ZFAND5: variants seen among roughly 807,000 people sequenced by gnomAD.
ZFAND5 encodes the protein zinc finger AN1-type containing 5.
A neutral mutation model predicts 23.6 loss-of-function variants in ZFAND5; 4 were observed. The observed-to-expected ratio is 0.17, with a 90% CI of 0.08 to 0.39. The LOEUF is 0.39. Ranked by LOEUF, ZFAND5 falls within the 10% of genes least tolerant of loss-of-function variation. The pLI, the probability that ZFAND5 is intolerant of heterozygous loss-of-function variation, is 1.00. For synonymous variants in ZFAND5, 68 were observed against 80.6 expected, an observed-to-expected ratio of 0.84 and a Z score of 0.84; for missense variants, 161 against 253.7, an observed-to-expected ratio of 0.63 and a Z score of 2.48.
At chr9:72,357,120 G>A in intron 5 of ZFAND5, 64 bp from the exon 6 acceptor site, 1 of 1,576,454 alleles carries the variant, frequency 6.3e-7, no homozygotes, top group Admixed American at 1.8e-5. Flanking sequence ...AGTCAAAAAA[G>A]GAAGTATTTA....
chr9:72,362,729 T>C (rs953834019), intron 2 of ZFAND5, among the ~76,000 whole-genome samples: 2 of 152,202 alleles, frequency 1.3e-5, no homozygotes, highest in Non-Finnish European at 2.9e-5. Context: ...TTTAGATTTT[T>C]TTCCCCTAGA....
chr9:72,360,674 T>C lies in ZFAND5; in HGVS notation c.105A>G (p.Lys35=). The change falls in exon 3 of 7, where the codon AAA becomes AAG. Residue 35 remains lysine (K), a synonymous_variant. Transcript: ENST00000376962. ...TATTTTGCTGCCTCTGAAGATGTTC[T>C]TTGTAGCAAACTGAACACATTCCAT... ...RTNGMCSVCY[K]EHLQRQQNSG... 6.2e-7 allele frequency: 1 copy of C among 1,614,104 alleles called. No homozygotes were observed. The highest frequency in any genetic ancestry group is 8.5e-7 in the Non-Finnish European group (1 of 1,179,948).
intron 5 of ZFAND5, among the ~76,000 whole-genome samples, chr9:72,358,180 G>T (rs1841998303): frequency 6.6e-6 from 1 of 152,062 alleles, no homozygotes; most frequent in Admixed American, 6.6e-5. Context: ...CATTAGCAAT[G>T]AATCTACTGG....
rs1380738651 is a variant in ZFAND5, at chr9:72,364,601, T to G, written c.-147+95A>C. ...GCCGCCATCCGCGGCCTGCTCCGGC[T>G]TCGCCATTGGCCCGCGGCGCCCCGG... On this transcript the variant is annotated intron_variant, in intron 1 of 6. Coordinates refer to ENST00000376962, the MANE Select transcript of ZFAND5 (RefSeq NM_001102420.3). The G allele has an allele frequency of 4.9e-6, 6 of 1,228,822 alleles. No individual in the cohort carries two copies. The Admixed American group carries it at 8.3e-5, about 17-fold the overall frequency. The allele number at this position is 1,228,822 out of a possible 1,614,324, so 76.1% of individuals were successfully genotyped here. A position where few individuals can be genotyped will look rare whatever the true frequency, so the allele number is the denominator to read the frequency against.
At position 72,353,941 on chromosome 9, in the gene ZFAND5, C is replaced by T. The variant is rs1264788783; in HGVS notation, c.*2012G>A. Reference sequence around the variant, plus strand: ...CAGATAAAACTAGGGTATTTCCACCCCAAACTCCATCACAGAGAAGCAACA... The same window carrying T: ...CAGATAAAACTAGGGTATTTCCACCTCAAACTCCATCACAGAGAAGCAACA... On this transcript the variant is annotated 3_prime_UTR_variant, in exon 7 of 7. Coordinates refer to ENST00000376962, the MANE Select transcript of ZFAND5 (RefSeq NM_001102420.3). 6.6e-6 allele frequency: 1 copy of T among 151,832 alleles called. No homozygotes were observed. Among genetic ancestry groups the T allele is most frequent in the African/African-American group, 2.4e-5 (1 of 41,340 alleles). The allele number at this position is 151,832 out of a possible 1,614,324, so 9.4% of individuals were successfully genotyped here. A position where few individuals can be genotyped will look rare whatever the true frequency, so the allele number is the denominator to read the frequency against.
intron 5 of ZFAND5, among the ~76,000 whole-genome samples, chr9:72,357,431 A>G (rs3012503): frequency 0.4 from 60,079 of 152,084 alleles, 13,807 homozygotes; most frequent in South Asian, 0.56. Flanking sequence ...AAACTTTTCA[A>G]TCAGGGCAGT....
rs1841809336 is a variant in ZFAND5, at chr9:72,352,752, A to C, written c.*3201T>G. On this transcript the variant is annotated 3_prime_UTR_variant, in exon 7 of 7. Coordinates refer to ENST00000376962, the MANE Select transcript of ZFAND5 (RefSeq NM_001102420.3). ...TCAAAGTTTTCTTCCCAAGTTATGG[A>C]AACCATTATTCCAGAACATTAAGAC... 1 of 152,236 alleles carries C rather than the reference A, an allele frequency of 6.6e-6. No homozygotes were observed. The highest frequency in any genetic ancestry group is 2.4e-5 in the African/African-American group (1 of 41,456). 9.4% of individuals were successfully genotyped at this position (152,236 alleles called of 1,614,324 possible).
intron 4 of ZFAND5, 70 bp from the exon 5 acceptor site, chr9:72,359,591 A>T: frequency 7.4e-7 from 1 of 1,350,346 alleles, no homozygotes; most frequent in South Asian, 1.3e-5. Context: ...ATAAGTTGTC[A>T]GTTCAACTTT....
chr9:72,363,749 A>T (rs1044764728), intron 1 of ZFAND5, 143 bp from the exon 2 acceptor site: 1 of 637,788 alleles, frequency 1.6e-6, no homozygotes, highest in African/African-American at 2.0e-5. Context: ...CTTTAAAAAA[A>T]ATCCTAAAAA....
chr9:72,360,022 G>A (rs929442504), intron 4 of ZFAND5, 88 bp downstream of exon 4: 10 of 1,099,400 alleles, frequency 9.1e-6, no homozygotes, highest in African/African-American at 1.6e-5. Context: ...CAAAGCCAAG[G>A]GTATCTATTA....
Position 72,355,732 on chromosome 9 carries a change from A to G in ZFAND5, c.*221T>C, listed in dbSNP as rs541032456. ...ACTTTGCTGTGCAGATTTTCATCCA[A>G]TTTTTTTCAGGGGAGGGCATATACA... On this transcript the variant is annotated 3_prime_UTR_variant, in exon 7 of 7. Transcript: ENST00000376962. The G allele has an allele frequency of 1.1e-5, 4 of 364,046 alleles. No individual in the cohort carries two copies. Among genetic ancestry groups the G allele is most frequent in the Middle Eastern group, 7.8e-4 (1 of 1,290 alleles). The allele number at this position is 364,046 out of a possible 1,614,324, so 22.6% of individuals were successfully genotyped here.
At chr9:72,363,111 A>C (rs538774757) in intron 2 of ZFAND5, among the ~76,000 whole-genome samples, 1 of 152,328 alleles carries the variant, frequency 6.6e-6, no homozygotes, top group South Asian at 2.1e-4. Context: ...AAAACTAAGC[A>C]CAGTGGAGAC....
chr9:72,360,751 C>G lies in ZFAND5; in HGVS notation c.28G>C (p.Gly10Arg). 1.2e-6 allele frequency: 2 copies of G among 1,610,756 alleles called. No homozygotes were observed. The highest frequency in any genetic ancestry group is 1.7e-6 in the Non-Finnish European group (2 of 1,177,400). The change falls in exon 3 of 7, where the codon GGG (glycine) becomes CGG (arginine). Residue 10 changes from glycine (G) to arginine (R), a missense_variant. Physicochemically the swap from Gly to Arg is moderately radical, Grantham distance 125 (BLOSUM62 -2). Around this residue, in one of 3 missense-constraint regions of ZFAND5, gnomAD observed 21 missense variants for 58.5 expected, o/e 0.36. Coordinates refer to ENST00000376962, the MANE Select transcript of ZFAND5 (RefSeq NM_001102420.3). MAQETNQTPGPMLCSTGCGF... is the reference protein window; with the variant it reads MAQETNQTPRPMLCSTGCGF... The stretch of plus-strand genomic sequence containing the variant: ...CATCCTGTGCTACACAGCATGGGCC[C>G]CGGGGTCTGGTTAGTCTCCTGAGCC...
intron 2 of ZFAND5, among the ~76,000 whole-genome samples, chr9:72,361,602 G>C (rs1380715408): frequency 1.3e-5 from 2 of 152,156 alleles, no homozygotes; most frequent in East Asian, 1.9e-4. Flanking sequence ...ATGTATTAAA[G>C]TCAATATATA....
At chr9:72,362,765 T>A (rs1842142108) in intron 2 of ZFAND5, among the ~76,000 whole-genome samples, 3 of 152,162 alleles carry the variant, frequency 2.0e-5, no homozygotes, top group Non-Finnish European at 4.4e-5. Flanking sequence ...TGCCATCACA[T>A]GTGCACAGCT....
chr9:72,359,460 C>G lies in ZFAND5; in HGVS notation c.325G>C (p.Glu109Gln), dbSNP rs1487522454. The G allele has an allele frequency of 1.9e-6, 3 of 1,613,554 alleles. No individual in the cohort carries two copies. The highest frequency in any genetic ancestry group is 2.5e-6 in the Non-Finnish European group (3 of 1,179,724). ...GTTTTCGGGGTAGTTATTTTGTCCTCTCTTGAAATGCTCATTTCTGTCATT... is the reference window on the plus strand; with the variant it reads ...GTTTTCGGGGTAGTTATTTTGTCCTGTCTTGAAATGCTCATTTCTGTCATT... Reference protein sequence around the residue: ...QQMTEMSISREDKITTPKTEV... With the variant: ...QQMTEMSISRQDKITTPKTEV... Residue 109 changes from glutamate to glutamine, a missense_variant, in exon 5 of 7, where the codon GAG becomes CAG. By Grantham distance (29) the Glu-to-Gln change is conservative. This residue lies in a region of ZFAND5 where 116 missense variants were observed against 115.2 expected (regional missense o/e 1.01). Transcript: ENST00000376962.
In ZFAND5 at chr9:72,358,173, T is replaced by C. The variant is rs570893535; in HGVS notation, c.368-1117A>G. ...GCCCAAATTTATAATTCAATTGCAT[T>C]AGCAATGAATCTACTGGGAGAAATA... On this transcript the variant is annotated intron_variant, in intron 5 of 6. Transcript: ENST00000376962. Among the ~76,000 whole-genome samples the C allele has an allele frequency of 2.6e-5, 4 of 152,238 alleles. No individual in the cohort carries two copies. The South Asian group carries it at 6.2e-4, about 24-fold the overall frequency.
Position 72,355,032 on chromosome 9 carries a change from G to A in ZFAND5, c.*921C>T, listed in dbSNP as rs1841900815. ...GGGTACAGTTACATTAAGAACTGAA[G>A]TCTTTTAAAAAGCTTTAAACATTCT... On this transcript the variant is annotated 3_prime_UTR_variant, in exon 7 of 7. Transcript: ENST00000376962. 6.6e-6 allele frequency: 1 copy of A among 152,610 alleles called. No homozygotes were observed. The highest frequency in any genetic ancestry group is 2.1e-4 in the South Asian group (1 of 4,836). The allele number at this position is 152,610 out of a possible 1,614,324, so 9.5% of individuals were successfully genotyped here.
In ZFAND5 at chr9:72,354,358, G is replaced by C. The variant is rs551364791; in HGVS notation, c.*1595C>G. On this transcript the variant is annotated 3_prime_UTR_variant, in exon 7 of 7. Transcript: ENST00000376962. ...TATCACTTGAACAAGTTCAGCGATGGCAAAGGAAAAAAAATTATATAGCCA... is the reference window on the plus strand; with the variant it reads ...TATCACTTGAACAAGTTCAGCGATGCCAAAGGAAAAAAAATTATATAGCCA... 6.6e-6 allele frequency: 1 copy of C among 152,352 alleles called. No individual in the cohort carries two copies. Among genetic ancestry groups the C allele is most frequent in the African/African-American group, 2.4e-5 (1 of 41,400 alleles). The allele number at this position is 152,352 out of a possible 1,614,324, so 9.4% of individuals were successfully genotyped here.
Sources: allele counts gnomAD v4.1 joint callset (sites outside exome capture counted in the v4.1 genomes callset), GRCh38; gene constraint gnomAD v4.1.1; regional missense constraint gnomAD v4.1.1; transcripts MANE v1.5; gene names NCBI Gene and HGNC (gene_info 2026-07-23, HGNC 2026-07-21).